CDH9: variants seen among roughly 807,000 people sequenced by gnomAD.
CDH9 encodes cadherin 9, also known as cadherin-9.
CDH9 carries 28 observed loss-of-function variants against 70.9 expected under a neutral mutation model. The ratio of observed to expected loss-of-function variants is 0.40; its 90% CI spans 0.29 to 0.54. The LOEUF (loss-of-function observed/expected upper bound fraction) is 0.54, where lower values mean the gene tolerates loss of function less well. Ranked by LOEUF, CDH9 falls within the 20% of genes least tolerant of loss-of-function variation. The probability of loss-of-function intolerance (pLI) is 0.59; values close to 1 mark genes in which losing one functional copy is unlikely to be tolerated. For missense variants in CDH9, 874 were observed against 984.4 expected, an observed-to-expected ratio of 0.89 and a Z score of 1.50; for synonymous variants, 409 against 343.1, an observed-to-expected ratio of 1.19 and a Z score of -2.12.
chr5:26,926,871 C>CTG (rs1741349019), intron 2 of CDH9, among the ~76,000 whole-genome samples: 1 of 149,956 alleles, frequency 6.7e-6, no homozygotes, highest in Non-Finnish European at 1.5e-5. Context: ...TAAACTCATT[C>CTG]TGTGAAGCCA....
At chr5:26,916,928 A>G (rs1326112084) in intron 2 of CDH9, among the ~76,000 whole-genome samples, 1 of 151,962 alleles carries the variant, frequency 6.6e-6, no homozygotes, top group African/African-American at 2.4e-5. Flanking sequence ...ATGTCTTAGG[A>G]AAAAATAGGA....
chr5:27,016,374 G>A (rs1743047229), intron 1 of CDH9, among the ~76,000 whole-genome samples: 1 of 151,722 alleles, frequency 6.6e-6, no homozygotes, highest in South Asian at 2.1e-4. Context: ...GCCACCATGT[G>A]AGCACAATTA....
chr5:26,889,061 T>C (rs974984401), intron 9 of CDH9, among the ~76,000 whole-genome samples: 1 of 152,162 alleles, frequency 6.6e-6, no homozygotes, highest in Non-Finnish European at 1.5e-5. Context: ...TATTCTCTAT[T>C]GGAATAGAAG....
At chr5:27,001,538 C>A (rs1742768116) in intron 1 of CDH9, among the ~76,000 whole-genome samples, 1 of 152,014 alleles carries the variant, frequency 6.6e-6, no homozygotes, top group Non-Finnish European at 1.5e-5. Context: ...AATGTAAAAT[C>A]ATTTATTTTA....
At chr5:26,929,843 G>A (rs1361075855) in intron 2 of CDH9, among the ~76,000 whole-genome samples, 2 of 151,924 alleles carry the variant, frequency 1.3e-5, no homozygotes, top group Non-Finnish European at 2.9e-5. Flanking sequence ...CCAGAGGCTG[G>A]GAAGTTTAGT....
intron 2 of CDH9, among the ~76,000 whole-genome samples, chr5:26,968,238 AG>A (rs1742161075): frequency 6.6e-6 from 1 of 152,096 alleles, no homozygotes; most frequent in Non-Finnish European, 1.5e-5. Context: ...AGAAATCCAG[AG>A]ACGATTACAG....
intron 5 of CDH9, among the ~76,000 whole-genome samples, chr5:26,905,194 A>G (rs1164177694): frequency 6.6e-6 from 1 of 152,120 alleles, no homozygotes; most frequent in Non-Finnish European, 1.5e-5. Context: ...TTATATATTT[A>G]TTCACTGCAA....
chr5:26,895,219 ACCTAG>A (rs1360001672), intron 7 of CDH9, among the ~76,000 whole-genome samples: 1 of 152,030 alleles, frequency 6.6e-6, no homozygotes, highest in East Asian at 1.9e-4. Context: ...CATAGCTGTG[ACCTAG>A]CCATTCATTA....
intron 2 of CDH9, among the ~76,000 whole-genome samples, chr5:26,928,368 T>A (rs945375487): frequency 1.3e-5 from 2 of 152,012 alleles, no homozygotes; most frequent in African/African-American, 4.8e-5. Context: ...ATAGAAAGAA[T>A]TTTATGTTCA....
At chr5:26,974,038 A>G (rs1244074927) in intron 2 of CDH9, among the ~76,000 whole-genome samples, 1 of 152,158 alleles carries the variant, frequency 6.6e-6, no homozygotes, top group Non-Finnish European at 1.5e-5. Context: ...TGAGATCAGG[A>G]GTTCAAGACC....
At chr5:26,988,428 A>T in intron 1 of CDH9, 46 bp from the exon 2 acceptor site, 5 of 1,480,134 alleles carry the variant, frequency 3.4e-6, no homozygotes, top group Non-Finnish European at 4.5e-6. Flanking sequence ...CTTGAGTTTC[A>T]CTTTCCCACA....
chr5:27,004,969 G>A (rs1233876919), intron 1 of CDH9, among the ~76,000 whole-genome samples: 1 of 151,950 alleles, frequency 6.6e-6, no homozygotes, highest in East Asian at 1.9e-4. Context: ...TATCAATGGA[G>A]AGCAACAAAA....
At chr5:26,917,662 T>C (rs1741172110) in intron 2 of CDH9, among the ~76,000 whole-genome samples, 1 of 152,138 alleles carries the variant, frequency 6.6e-6, no homozygotes. Context: ...TTCCCATCTC[T>C]GAAATATCTT....
Position 26,903,661 on chromosome 5 carries a change from C to G in CDH9, c.975G>C (p.Gln325His). ...CCTGTTTGACAGTTATAATCCCTTC[C>G]TGTGTATCCTTGTCAGTGATGACAT... ...MFDVITDKDTQEGIITVKQNL... is the reference protein window; with the variant it reads ...MFDVITDKDTHEGIITVKQNL... Residue 325 changes from glutamine (Q) to histidine (H), a missense_variant, in exon 6 of 12, where the codon CAG (glutamine) becomes CAC (histidine). Physicochemically the swap from Gln to His is conservative, Grantham distance 24. Transcript: ENST00000231021. 6.2e-7 allele frequency: 1 copy of G among 1,607,954 alleles called. No individual in the cohort carries two copies. The highest frequency in any genetic ancestry group is 8.5e-7 in the Non-Finnish European group (1 of 1,174,542).
At chr5:27,001,829 T>TACAC (rs1318692075) in intron 1 of CDH9, among the ~76,000 whole-genome samples, 3 of 132,894 alleles carry the variant, frequency 2.3e-5, no homozygotes, top group African/African-American at 8.2e-5. Context: ...GTGCTTAACA[T>TACAC]ACACACACAC....
chr5:27,010,831 C>T (rs1473598494), intron 1 of CDH9, among the ~76,000 whole-genome samples: 1 of 152,092 alleles, frequency 6.6e-6, no homozygotes, highest in South Asian at 2.1e-4. Flanking sequence ...TGGAAACAGA[C>T]AAATCTCAAA....
chr5:26,897,223 C>T (rs777598932), intron 7 of CDH9, among the ~76,000 whole-genome samples: 60 of 152,128 alleles, frequency 3.9e-4, no homozygotes, highest in South Asian at 1.7e-3. Flanking sequence ...GGATTCACAG[C>T]CAAATTTTAC....
chr5:26,957,904 G>A (rs1046502483), intron 2 of CDH9, among the ~76,000 whole-genome samples: 2 of 152,044 alleles, frequency 1.3e-5, no homozygotes, highest in African/African-American at 4.8e-5. Context: ...GTTATTGTGA[G>A]ACTTCTGATT....
At chr5:26,971,341 G>A (rs1437817684) in intron 2 of CDH9, among the ~76,000 whole-genome samples, 6 of 152,108 alleles carry the variant, frequency 3.9e-5, no homozygotes, top group Non-Finnish European at 5.9e-5. Context: ...ATTTTCAAGA[G>A]GCAATTTTTA....
Sources: allele counts gnomAD v4.1 joint callset (sites outside exome capture counted in the v4.1 genomes callset), GRCh38; gene constraint gnomAD v4.1.1; transcripts MANE v1.5; gene names NCBI Gene and HGNC (gene_info 2026-07-23, HGNC 2026-07-21).